The following MED27 variants were observed in gnomAD, a reference collection of about 807,000 sequenced individuals.
The protein encoded by MED27 is mediator complex subunit 27.
In MED27, 30 loss-of-function variants were observed where a neutral mutation model predicts 38.2. The ratio of observed to expected loss-of-function variants is 0.79; its 90% CI spans 0.59 to 1.07. MED27 has a LOEUF of 1.07. MED27 is among the 50% of genes least tolerant of loss of function. The pLI is 0.00. For missense variants in MED27, 289 were observed against 397.5 expected, an observed-to-expected ratio of 0.73 and a Z score of 2.32; for synonymous variants, 122 against 153.5, an observed-to-expected ratio of 0.79 and a Z score of 1.52.
At chr9:131,977,654 G>C (rs932797587) in intron 3 of MED27, among the ~76,000 whole-genome samples, 21 of 152,040 alleles carry the variant, frequency 1.4e-4, no homozygotes, top group Admixed American at 1.3e-4. Flanking sequence ...AATAGCCTGG[G>C]GCTGCTCTTG....
rs12006408 is a variant in MED27 at position 132,022,430 on chromosome 9, G to T, written c.349-7963C>A. Among the ~76,000 whole-genome samples, 836 of 152,246 alleles carry T rather than the reference G, an allele frequency of 5.5e-3. 12 individuals carry two copies. Among genetic ancestry groups the T allele is most frequent in the African/African-American group, 0.019 (781 of 41,566 alleles). The stretch of plus-strand genomic sequence containing the variant: ...ATGTAGGACATTAGTTTTTAAACAC[G>T]TACTTAAGGCCTGAATCAAAAGTCT... On this transcript the variant is annotated intron_variant, in intron 2 of 7. Coordinates refer to ENST00000292035, the MANE Select transcript of MED27 (RefSeq NM_004269.4).
intron 3 of MED27, among the ~76,000 whole-genome samples, chr9:131,979,294 C>A (rs1279545401): frequency 6.6e-6 from 1 of 152,172 alleles, no homozygotes; most frequent in African/African-American, 2.4e-5. Flanking sequence ...AGCATCAGCA[C>A]AACCAATGAA....
chr9:132,017,347 T>C (rs1256946840), intron 2 of MED27, among the ~76,000 whole-genome samples: 2 of 152,146 alleles, frequency 1.3e-5, no homozygotes, highest in Non-Finnish European at 2.9e-5. Flanking sequence ...TAGAAACATA[T>C]AACTCCCCAA....
At chr9:132,052,904 C>T (rs1409922683) in intron 2 of MED27, among the ~76,000 whole-genome samples, 1 of 152,194 alleles carries the variant, frequency 6.6e-6, no homozygotes, top group Admixed American at 6.5e-5. Flanking sequence ...TTTATCCAAT[C>T]GTCTGTTAAT....
chr9:132,039,161 A>C (rs754634443), intron 2 of MED27, among the ~76,000 whole-genome samples: 1 of 152,234 alleles, frequency 6.6e-6, no homozygotes, highest in Non-Finnish European at 1.5e-5. Flanking sequence ...AGAAGTTCTC[A>C]AGCTTGAAAG....
chr9:131,919,934 G>A (rs1005207285), intron 4 of MED27, among the ~76,000 whole-genome samples: 2 of 150,942 alleles, frequency 1.3e-5, no homozygotes. Flanking sequence ...TTAGCCTCCC[G>A]AGTAGCTGGG....
intron 4 of MED27, among the ~76,000 whole-genome samples, chr9:131,896,924 G>A (rs898387039): frequency 1.3e-5 from 2 of 152,090 alleles, no homozygotes; most frequent in Non-Finnish European, 2.9e-5. Context: ...TAGAGACGGG[G>A]TTTCACCATG....
In MED27 at chr9:132,054,260, C is replaced by G. The variant is rs529413358; in HGVS notation, c.348+23182G>C. Among the ~76,000 whole-genome samples, 4 of 152,250 alleles carry G rather than the reference C, an allele frequency of 2.6e-5. No individual in the cohort carries two copies. The East Asian group carries it at 7.7e-4, about 29-fold the overall frequency. On this transcript the variant is annotated intron_variant, in intron 2 of 7. Coordinates refer to ENST00000292035, the MANE Select transcript of MED27 (RefSeq NM_004269.4). ...TCTCCTTTAAAAGTGTGCGGCACCG[C>G]CCCGCTCCTCTCAGTGCTCCTGCTC...
chr9:132,039,755 G>A (rs970110401), intron 2 of MED27, among the ~76,000 whole-genome samples: 6 of 152,086 alleles, frequency 3.9e-5, no homozygotes, highest in African/African-American at 1.4e-4. Flanking sequence ...CCCCTTAACC[G>A]CCACTGTGTG....
intron 3 of MED27, among the ~76,000 whole-genome samples, chr9:131,962,003 A>C (rs1831226210): frequency 6.6e-6 from 1 of 152,218 alleles, no homozygotes; most frequent in African/African-American, 2.4e-5. Flanking sequence ...TAGCTAGTCT[A>C]AATTTGTTAC....
chr9:131,918,873 C>T (rs1830340380), intron 4 of MED27, among the ~76,000 whole-genome samples: 1 of 152,172 alleles, frequency 6.6e-6, no homozygotes, highest in Non-Finnish European at 1.5e-5. Flanking sequence ...AACGGCCTCC[C>T]AGTTCTAGCT....
chr9:131,994,261 A>T (rs1832042696), intron 3 of MED27, among the ~76,000 whole-genome samples: 1 of 152,190 alleles, frequency 6.6e-6, no homozygotes, highest in Non-Finnish European at 1.5e-5. Context: ...ATGAGAACTT[A>T]TTGTATTTGA....
intron 3 of MED27, among the ~76,000 whole-genome samples, chr9:132,006,251 G>A (rs1196289362): frequency 1.3e-5 from 2 of 152,144 alleles, no homozygotes; most frequent in Non-Finnish European, 2.9e-5. Context: ...TGCTCCCTTT[G>A]TACAGTGTCC....
At chr9:132,039,218 A>G (rs1292760173) in intron 2 of MED27, among the ~76,000 whole-genome samples, 1 of 152,202 alleles carries the variant, frequency 6.6e-6, no homozygotes, top group Admixed American at 6.5e-5. Flanking sequence ...CGTACAGTTT[A>G]ACTTTATCAT....
chr9:131,957,692 G>A (rs1296313984), intron 3 of MED27, among the ~76,000 whole-genome samples: 2 of 152,110 alleles, frequency 1.3e-5, no homozygotes, highest in African/African-American at 2.4e-5. Flanking sequence ...AATATACAAT[G>A]CCTGAACAAC....
intron 3 of MED27, among the ~76,000 whole-genome samples, chr9:131,984,288 T>C (rs1198277051): frequency 6.6e-6 from 1 of 152,210 alleles, no homozygotes; most frequent in Non-Finnish European, 1.5e-5. Context: ...TCTGATTGTT[T>C]GTCTTCCATA....
intron 2 of MED27, among the ~76,000 whole-genome samples, chr9:132,053,253 CAAA>C (rs530638575): frequency 1.1e-5 from 1 of 87,536 alleles, no homozygotes. Flanking sequence ...ACTCCCGTCT[CAAA>C]AAAAAAAAAA....
At chr9:132,049,948 ATT>A (rs111727833) in intron 2 of MED27, among the ~76,000 whole-genome samples, 4 of 150,686 alleles carry the variant, frequency 2.7e-5, no homozygotes, top group African/African-American at 9.7e-5. Context: ...AAGTTAAACT[ATT>A]TTTTTTTTCC....
chr9:131,902,402 CAG>C (rs1383893424), intron 4 of MED27, among the ~76,000 whole-genome samples: 1 of 152,074 alleles, frequency 6.6e-6, no homozygotes, highest in Non-Finnish European at 1.5e-5. Flanking sequence ...CAAAAGAAAA[CAG>C]AGACAGACCA....
Sources: gnomAD v4.1 joint callset for allele counts (sites outside exome capture counted in the v4.1 genomes callset) on GRCh38, gnomAD v4.1.1 for gene constraint, MANE v1.5 for transcripts, NCBI Gene and HGNC (gene_info 2026-07-23, HGNC 2026-07-21) for gene names.